The following LMNTD1 variants were observed in gnomAD, a reference collection of about 807,000 sequenced individuals.
The protein encoded by LMNTD1 is lamin tail domain-containing protein 1.
Under a neutral mutation model 50.9 loss-of-function variants are expected in LMNTD1, and 35 were observed. The observed-to-expected ratio is 0.69, with a 90% confidence interval of 0.53 to 0.91. The LOEUF is 0.91. Ranked by LOEUF, LMNTD1 falls within the 40% of genes least tolerant of loss-of-function variation. The probability of loss-of-function intolerance (pLI) is 0.00; values close to 1 mark genes in which losing one functional copy is unlikely to be tolerated. For synonymous variants in LMNTD1, 153 were observed against 161.9 expected (o/e 0.94, Z 0.42); for missense variants, 470 against 475.5 (o/e 0.99, Z 0.11).
At chr12:25,527,640 C>CTATATATATA (rs61347000) in intron 4 of LMNTD1, among the ~76,000 whole-genome samples, 114 of 61,360 alleles carry the variant, frequency 1.9e-3, no homozygotes, top group Non-Finnish European at 2.8e-3. Flanking sequence ...CTTAATAACA[C>CTATATATATA]TATATATATA....
chr12:25,556,322 CCCCATTTT>C, upstream of LMNTD1, among the ~76,000 whole-genome samples: 1 of 152,196 alleles, frequency 6.6e-6, no homozygotes, highest in East Asian at 1.9e-4. Context: ...ATGAGAATTT[CCCCATTTT>C]CCAAATGAGG....
At chr12:25,584,203 A>G (rs1945428134) in intron 1 of LMNTD1, among the ~76,000 whole-genome samples, 1 of 152,224 alleles carries the variant, frequency 6.6e-6, no homozygotes, top group Non-Finnish European at 1.5e-5. Context: ...ATATATATCA[A>G]TAATATATGT....
chr12:25,478,479 G>A lies in LMNTD1; in HGVS notation c.*23-2019C>T, dbSNP rs540068454. On this transcript the variant is annotated intron_variant, in intron 9 of 9. Coordinates refer to ENST00000458174, the MANE Select transcript of LMNTD1 (RefSeq NM_001145728.2). ...ATGAAGATATTTTCTTAGTACAAGT[G>A]TATACATGCACAAACAAGTTTTTAA... 1.2e-4 allele frequency among the ~76,000 whole-genome samples: 19 copies of A among 152,286 alleles called. No individual in the cohort carries two copies. The South Asian group carries it at 3.7e-3, about 30-fold the overall frequency.
intron 1 of LMNTD1, among the ~76,000 whole-genome samples, chr12:25,626,488 T>C (rs1946592682): frequency 6.6e-6 from 1 of 152,200 alleles, no homozygotes; most frequent in Admixed American, 6.5e-5. Flanking sequence ...CTATAACTCT[T>C]ACTTCCATAA....
chr12:25,481,878 C>CAA (rs1175895876), intron 9 of LMNTD1, among the ~76,000 whole-genome samples: 1 of 144,040 alleles, frequency 6.9e-6, no homozygotes, highest in Non-Finnish European at 1.5e-5. Flanking sequence ...CACACACACA[C>CAA]ACACACACAC....
chr12:25,489,047 C>T (rs1326297707), intron 9 of LMNTD1, among the ~76,000 whole-genome samples: 2 of 152,106 alleles, frequency 1.3e-5, no homozygotes, highest in African/African-American at 4.8e-5. Flanking sequence ...CAGACAGGGA[C>T]ATTTAAGTCT....
intron 1 of LMNTD1, among the ~76,000 whole-genome samples, chr12:25,629,243 G>C (rs192100463): frequency 6.6e-6 from 1 of 152,294 alleles, no homozygotes; most frequent in Non-Finnish European, 1.5e-5. Context: ...AACGATAGTA[G>C]AGTTACGGTT....
intron 4 of LMNTD1, among the ~76,000 whole-genome samples, chr12:25,545,163 G>A (rs1943352089): frequency 6.6e-6 from 1 of 151,630 alleles, no homozygotes; most frequent in Non-Finnish European, 1.5e-5. Context: ...TCGTGGTGGT[G>A]AATTCTCTTA....
chr12:25,553,359 G>C (rs537349343), upstream of LMNTD1: 1 of 802,292 alleles, frequency 1.2e-6, no homozygotes, highest in South Asian at 2.9e-5. Context: ...TCCAGTTTCT[G>C]AACAATTCCT....
chr12:25,540,525 AC>A (rs1157192857), intron 4 of LMNTD1, among the ~76,000 whole-genome samples: 5 of 136,602 alleles, frequency 3.7e-5, no homozygotes, highest in South Asian at 2.7e-4. Context: ...AAATTCAACA[AC>A]CCTTCATGCT....
intron 1 of LMNTD1, among the ~76,000 whole-genome samples, chr12:25,568,219 G>A (rs781250199): frequency 4.6e-5 from 7 of 152,208 alleles, no homozygotes; most frequent in South Asian, 4.1e-4. Context: ...CTAGGGATCC[G>A]TGGAAGTTTG....
At chr12:25,488,130 G>A (rs1938729393) in intron 9 of LMNTD1, among the ~76,000 whole-genome samples, 2 of 146,448 alleles carry the variant, frequency 1.4e-5, no homozygotes, top group South Asian at 2.2e-4. Context: ...CTCTTCTCGA[G>A]GAGTATCTTT....
At chr12:25,498,778 G>A (rs1487920513) in intron 9 of LMNTD1, among the ~76,000 whole-genome samples, 1 of 152,098 alleles carries the variant, frequency 6.6e-6, no homozygotes, top group African/African-American at 2.4e-5. Context: ...TTATCTAAAA[G>A]AAACTATTTT....
chr12:25,586,729 A>C (rs574056871), intron 1 of LMNTD1, among the ~76,000 whole-genome samples: 1 of 152,286 alleles, frequency 6.6e-6, no homozygotes, highest in South Asian at 2.1e-4. Context: ...ACAATATAGG[A>C]AGGGGCTGAG....
chr12:25,484,978 TC>T (rs1269199778), intron 9 of LMNTD1, among the ~76,000 whole-genome samples: 1 of 152,070 alleles, frequency 6.6e-6, no homozygotes, highest in Non-Finnish European at 1.5e-5. Flanking sequence ...TGTGCATGTG[TC>T]TTTATAGCTG....
At chr12:25,617,145 C>T (rs1946367554) in intron 1 of LMNTD1, among the ~76,000 whole-genome samples, 2 of 152,084 alleles carry the variant, frequency 1.3e-5, no homozygotes, top group African/African-American at 4.8e-5. Flanking sequence ...AGCTCTGAGT[C>T]AGCCTTGCTC....
At chr12:25,529,576 C>T (rs1942077769) in intron 4 of LMNTD1, among the ~76,000 whole-genome samples, 1 of 152,130 alleles carries the variant, frequency 6.6e-6, no homozygotes, top group African/African-American at 2.4e-5. Flanking sequence ...GCTGATTCTT[C>T]CTCTTTAGTG....
chr12:25,489,158 A>G (rs1415780316), intron 9 of LMNTD1, among the ~76,000 whole-genome samples: 1 of 152,010 alleles, frequency 6.6e-6, no homozygotes, highest in Non-Finnish European at 1.5e-5. Context: ...GGCTCCACCC[A>G]GTTCGAGCTT....
intron 9 of LMNTD1, among the ~76,000 whole-genome samples, chr12:25,488,617 C>G (rs1210443906): frequency 6.6e-6 from 1 of 151,338 alleles, no homozygotes; most frequent in African/African-American, 2.4e-5. Context: ...TCGTCTGAAG[C>G]CTTCTTCTCT....
Sources: gnomAD v4.1 joint callset for allele counts (sites outside exome capture counted in the v4.1 genomes callset) on GRCh38, gnomAD v4.1.1 for gene constraint, MANE v1.5 for transcripts, NCBI Gene and HGNC (gene_info 2026-07-23, HGNC 2026-07-21) for gene names.